The following ACYP2 variants were observed in gnomAD, a reference collection of about 807,000 sequenced individuals.
ACYP2 encodes acylphosphatase-2.
A neutral mutation model predicts 11.2 loss-of-function variants in ACYP2; 12 were observed. That is an observed-to-expected ratio of 1.08 (90% CI 0.69 to 1.74). The LOEUF is 1.74. Ranked by LOEUF, ACYP2 falls within the 40% of genes most tolerant of loss-of-function variation. ACYP2 has a pLI of 0.00. For synonymous variants in ACYP2, 43 were observed against 32.2 expected, an observed-to-expected ratio of 1.33 and a Z score of -1.13; for missense variants, 134 against 101.9, an observed-to-expected ratio of 1.31 and a Z score of -1.35.
Position 54,075,680 on chromosome 2 carries a change from G to C in ACYP2, c.277+18320G>C, listed in dbSNP as rs974272593. Among the ~76,000 whole-genome samples the C allele has an allele frequency of 2.0e-5, 3 of 152,074 alleles. No homozygotes were observed. The South Asian group carries it at 6.2e-4, about 32-fold the overall frequency. ...ATGCAAAAATTAGCCAGGTGTGGTG[G>C]TGCATGCCTGTAATCCCAGCTACTC... On this transcript the variant is annotated intron_variant, in intron 4 of 6. Transcript: ENST00000607452.
chr2:54,122,811 C>A (rs562045899), intron 4 of ACYP2, among the ~76,000 whole-genome samples: 11 of 152,148 alleles, frequency 7.2e-5, no homozygotes, highest in Non-Finnish European at 1.5e-4. Context: ...GGCTCACCTT[C>A]CTCCCAAGGC....
intron 6 of ACYP2, among the ~76,000 whole-genome samples, chr2:54,276,642 CA>C (rs1688594649): frequency 2.0e-5 from 3 of 147,000 alleles, no homozygotes; most frequent in Admixed American, 6.7e-5. Flanking sequence ...CACACACACA[CA>C]CACACACACA....
At chr2:54,147,094 C>A (rs1285029573) in intron 6 of ACYP2, among the ~76,000 whole-genome samples, 5 of 152,140 alleles carry the variant, frequency 3.3e-5, no homozygotes, top group African/African-American at 1.2e-4. Context: ...CCGTGCCTGG[C>A]TGCTTTTTGC....
chr2:54,090,159 G>A (rs1678150188), intron 4 of ACYP2, among the ~76,000 whole-genome samples: 1 of 149,394 alleles, frequency 6.7e-6, no homozygotes, highest in African/African-American at 2.5e-5. Context: ...AAAAAAAAAA[G>A]TTTGCCCATG....
chr2:54,080,218 T>G (rs1234776704), intron 4 of ACYP2: 2 of 154,068 alleles, frequency 1.3e-5, no homozygotes, highest in African/African-American at 4.8e-5. Flanking sequence ...GCCTTATCCG[T>G]AGGCTGCACA....
In ACYP2 at chr2:54,219,839, G is replaced by GTGTATATATA. The variant is rs1481424529; in HGVS notation, c.404+81092_404+81093insGTATATATAT. Among the ~76,000 whole-genome samples, 4 of 133,104 alleles carry GTGTATATATA rather than the reference G, an allele frequency of 3.0e-5. No homozygotes were observed. In the East Asian group the frequency reaches 9.3e-4, roughly 31 times the overall value. The allele number at this position is 133,104 out of a possible 152,430, so 87.3% of individuals were successfully genotyped here. Reference sequence around the variant, plus strand: ...TGTATGTGTGTGTGTATATATATGTGTATGTGTGTGTATATAGATGTGTGT... The same window carrying GTGTATATATA: ...TGTATGTGTGTGTGTATATATATGTGTGTATATATATATGTGTGTGTATATAGATGTGTGT... On this transcript the variant is annotated intron_variant, in intron 6 of 6. Coordinates refer to ENST00000607452, the MANE Select transcript of ACYP2 (RefSeq NM_001320586.2).
intron 6 of ACYP2, among the ~76,000 whole-genome samples, chr2:54,286,145 G>T (rs1362164220): frequency 6.7e-6 from 1 of 150,168 alleles, no homozygotes; most frequent in African/African-American, 2.5e-5. Flanking sequence ...AGGCGCAGTG[G>T]CCTTTGGGAG....
rs1440449855 is a variant in ACYP2 at position 54,109,286 on chromosome 2, C to T, written c.278-26167C>T. On this transcript the variant is annotated intron_variant, in intron 4 of 6. Coordinates refer to ENST00000607452, the MANE Select transcript of ACYP2 (RefSeq NM_001320586.2). Reference sequence around the variant, plus strand: ...CAACCTGGATGGAACTGGAAACTATCGTTCTAAGTGAAGTAACCCAGGAAT... The same window carrying T: ...CAACCTGGATGGAACTGGAAACTATTGTTCTAAGTGAAGTAACCCAGGAAT... 2.6e-5 allele frequency among the ~76,000 whole-genome samples: 4 copies of T among 152,126 alleles called. No individual in the cohort carries two copies. The East Asian group carries it at 5.8e-4, about 22-fold the overall frequency.
rs141094387 is a variant in ACYP2, at chr2:54,021,904, A to C, written c.63-29054A>C. Among the ~76,000 whole-genome samples, 443 of 152,302 alleles carry C rather than the reference A, an allele frequency of 2.9e-3. 7 individuals are homozygous for C. Among genetic ancestry groups the C allele is most frequent in the East Asian group, 3.9e-3 (20 of 5,178 alleles). ...ATAGTGAGAACAGACTGTTCTGTGA[A>C]GACGGGCACATTTTAAGTGCTCGGG... is the stretch of plus-strand genomic sequence containing the variant. On this transcript the variant is annotated intron_variant, in intron 2 of 6. Transcript: ENST00000607452.
intron 6 of ACYP2, among the ~76,000 whole-genome samples, chr2:54,178,835 G>C (rs909102097): frequency 2.0e-5 from 3 of 152,182 alleles, no homozygotes; most frequent in African/African-American, 4.8e-5. Context: ...GAACTTTTCA[G>C]TTCTGAGCTG....
intron 6 of ACYP2, among the ~76,000 whole-genome samples, chr2:54,272,934 G>A (rs1000153281): frequency 6.6e-6 from 1 of 152,214 alleles, no homozygotes; most frequent in Non-Finnish European, 1.5e-5. Context: ...TATAAAGACT[G>A]TATTTGTCAT....
intron 6 of ACYP2, among the ~76,000 whole-genome samples, chr2:54,281,503 T>A (rs181451079): frequency 6.6e-6 from 1 of 152,294 alleles, no homozygotes; most frequent in African/African-American, 2.4e-5. Context: ...CTAGACAAGA[T>A]TTCAGTCGAG....
intron 6 of ACYP2, among the ~76,000 whole-genome samples, chr2:54,177,428 A>G (rs1683508029): frequency 6.6e-6 from 1 of 152,166 alleles, no homozygotes. Context: ...AGGAATGGAA[A>G]TAGCTCCCTA....
chr2:54,199,883 A>G (rs1040461687), intron 6 of ACYP2, among the ~76,000 whole-genome samples: 1 of 152,156 alleles, frequency 6.6e-6, no homozygotes, highest in Non-Finnish European at 1.5e-5. Context: ...GATCGTTGCA[A>G]TGGTTCTGTA....
intron 2 of ACYP2, among the ~76,000 whole-genome samples, chr2:53,987,531 T>G (rs1018100691): frequency 2.0e-5 from 3 of 152,194 alleles, no homozygotes; most frequent in African/African-American, 4.8e-5. Flanking sequence ...ATGGTAGTTG[T>G]GTGTTTCATT....
intron 4 of ACYP2, among the ~76,000 whole-genome samples, chr2:54,087,609 C>T (rs1678008143): frequency 6.6e-6 from 1 of 152,174 alleles, no homozygotes; most frequent in Admixed American, 6.5e-5. Flanking sequence ...CCTTGGCCTC[C>T]CACAGTGCTG....
chr2:54,004,230 G>A (rs935676289), intron 2 of ACYP2, among the ~76,000 whole-genome samples: 6 of 151,682 alleles, frequency 4.0e-5, no homozygotes, highest in Admixed American at 6.6e-5. Flanking sequence ...CAGGTGATCC[G>A]CCCACCTCGG....
At position 54,222,770 on chromosome 2, in the gene ACYP2, G is replaced by A. The variant is rs573148340; in HGVS notation, c.405-81918G>A. Among the ~76,000 whole-genome samples the A allele has an allele frequency of 6.6e-5, 10 of 152,116 alleles. No homozygotes were observed. In the South Asian group the frequency reaches 1.9e-3, roughly 28 times the overall value. ...AATTCCCCGGCCTTACAGTCATGTGGTCCCCTTCATATGTCCTTGGAGGCC... is the reference window on the plus strand; with the variant it reads ...AATTCCCCGGCCTTACAGTCATGTGATCCCCTTCATATGTCCTTGGAGGCC... On this transcript the variant is annotated intron_variant, in intron 6 of 6. Transcript: ENST00000607452.
chr2:54,153,409 A>T (rs1483656679), intron 6 of ACYP2, among the ~76,000 whole-genome samples: 1 of 149,310 alleles, frequency 6.7e-6, no homozygotes, highest in Non-Finnish European at 1.5e-5. Context: ...GTCAGGTAGA[A>T]TGTTGCCTCC....
Sources: gnomAD v4.1 joint callset for allele counts (sites outside exome capture counted in the v4.1 genomes callset) on GRCh38, gnomAD v4.1.1 for gene constraint, MANE v1.5 for transcripts, NCBI Gene and HGNC (gene_info 2026-07-23, HGNC 2026-07-21) for gene names.